POU6F2: variants seen among roughly 807,000 people sequenced by gnomAD.
POU6F2 encodes POU domain, class 6, transcription factor 2.
A neutral mutation model predicts 71.3 loss-of-function variants in POU6F2; 31 were observed. That is an observed-to-expected ratio of 0.43 (90% confidence interval 0.33 to 0.59). POU6F2 has a LOEUF of 0.59. Ranked by LOEUF, POU6F2 falls within the 20% of genes least tolerant of loss-of-function variation. The probability of loss-of-function intolerance (pLI) is 0.04; values close to 1 mark genes in which losing one functional copy is unlikely to be tolerated. For missense variants in POU6F2, 783 were observed against 856.8 expected (o/e 0.91, Z 1.07); for synonymous variants, 347 against 355.7 (o/e 0.98, Z 0.27).
chr7:39,429,729 A>G (rs545194410), intron 6 of POU6F2, among the ~76,000 whole-genome samples: 1 of 152,326 alleles, frequency 6.6e-6, no homozygotes, highest in South Asian at 2.1e-4. Context: ...TCCTAGCAGT[A>G]AATCTTAGCT....
At chr7:39,287,929 G>T (rs1431060715) in intron 4 of POU6F2, among the ~76,000 whole-genome samples, 1 of 152,128 alleles carries the variant, frequency 6.6e-6, no homozygotes, top group African/African-American at 2.4e-5. Flanking sequence ...GGGCTTTCTG[G>T]CATCTGTGTA....
intron 4 of POU6F2, among the ~76,000 whole-genome samples, chr7:39,247,413 T>G (rs866917559): frequency 5.9e-5 from 9 of 151,786 alleles, no homozygotes; most frequent in African/African-American, 1.9e-4. Context: ...ATCTCACCTC[T>G]GCACTCCAGC....
At chr7:39,214,972 A>G (rs1308641139) in intron 4 of POU6F2, among the ~76,000 whole-genome samples, 1 of 152,192 alleles carries the variant, frequency 6.6e-6, no homozygotes, top group Admixed American at 6.5e-5. Context: ...TTATGCTATA[A>G]TTTTTCATGG....
Position 39,015,933 on chromosome 7 carries a change from A to T in POU6F2, c.105+37875A>T, listed in dbSNP as rs866376178. ...TTATATATTATATATAGATATATAT[A>T]ATATATAGATATATATTATATATTG... On this transcript the variant is annotated intron_variant, in intron 1 of 9. Coordinates refer to ENST00000518318, the MANE Select transcript of POU6F2 (RefSeq NM_001370959.1). Among the ~76,000 whole-genome samples, 241 of 39,786 alleles carry T rather than the reference A, an allele frequency of 6.1e-3. 5 individuals carry two copies. The highest frequency in any genetic ancestry group is 0.012 in the East Asian group (6 of 510). The allele number at this position is 39,786 out of a possible 152,430, so 26.1% of individuals were successfully genotyped here. A position where few individuals can be genotyped will look rare whatever the true frequency, so the allele number is the denominator to read the frequency against.
chr7:39,195,089 G>A (rs1236657389), intron 2 of POU6F2, among the ~76,000 whole-genome samples: 1 of 152,174 alleles, frequency 6.6e-6, no homozygotes, highest in Non-Finnish European at 1.5e-5. Context: ...AGTAGCACAT[G>A]ACAATTAAAA....
rs552513742 is a variant in POU6F2, at chr7:39,235,397, C to A, written c.598+27777C>A. Among the ~76,000 whole-genome samples, 4 of 152,228 alleles carry A rather than the reference C, an allele frequency of 2.6e-5. No individual in the cohort carries two copies. The East Asian group carries it at 5.8e-4, about 22-fold the overall frequency. ...AATGATTTTATGAGGTAGTTGTTAT[C>A]ATCTCCATTTCGCTTGTTTAAGGTC... On this transcript the variant is annotated intron_variant, in intron 4 of 9. Transcript: ENST00000518318.
intron 1 of POU6F2, among the ~76,000 whole-genome samples, chr7:39,026,152 G>T (rs973513237): frequency 1.3e-5 from 2 of 151,770 alleles, no homozygotes; most frequent in African/African-American, 4.8e-5. Context: ...ACTGTTGGTG[G>T]GACTGTAAAC....
At position 39,201,831 on chromosome 7, in the gene POU6F2, T is replaced by C. The variant is rs538362622; in HGVS notation, c.278-2404T>C. On this transcript the variant is annotated intron_variant, in intron 2 of 9. Coordinates refer to ENST00000518318, the MANE Select transcript of POU6F2 (RefSeq NM_001370959.1). ...CCATTTATTCATTCTGACTTCCTGA[T>C]TCCCCCTCTGGCTCTGAGAAGGCCC... 1.2e-4 allele frequency among the ~76,000 whole-genome samples: 18 copies of C among 152,342 alleles called. 1 individual carries two copies. In the South Asian group the frequency reaches 3.7e-3, roughly 32 times the overall value.
chr7:39,386,726 G>C (rs951748932), intron 5 of POU6F2, among the ~76,000 whole-genome samples: 2 of 152,118 alleles, frequency 1.3e-5, no homozygotes, highest in Non-Finnish European at 2.9e-5. Context: ...TGCAAAAAAA[G>C]AGCAAGAAGA....
intron 4 of POU6F2, among the ~76,000 whole-genome samples, chr7:39,245,798 T>C (rs968508372): frequency 2.3e-4 from 35 of 152,158 alleles, no homozygotes; most frequent in Admixed American, 2.0e-3. Flanking sequence ...CCTGAAAAAG[T>C]AGAAAGAAGA....
chr7:39,210,570 A>G (rs1233827059), intron 4 of POU6F2, among the ~76,000 whole-genome samples: 2 of 152,314 alleles, frequency 1.3e-5, no homozygotes, highest in Admixed American at 6.5e-5. Flanking sequence ...GCCATGATTT[A>G]CACATGTATT....
chr7:39,307,912 G>A (rs1355191189), intron 4 of POU6F2, among the ~76,000 whole-genome samples: 3 of 150,926 alleles, frequency 2.0e-5, no homozygotes, highest in Non-Finnish European at 2.9e-5. Flanking sequence ...CAGAGATCGC[G>A]CCACTGCACT....
chr7:39,137,030 A>G (rs1792402084), intron 2 of POU6F2, among the ~76,000 whole-genome samples: 1 of 151,752 alleles, frequency 6.6e-6, no homozygotes, highest in African/African-American at 2.4e-5. Flanking sequence ...AAAAAAAAAA[A>G]AAAGAGTGGA....
intron 6 of POU6F2, among the ~76,000 whole-genome samples, chr7:39,408,918 A>T (rs1056629795): frequency 6.6e-6 from 1 of 152,216 alleles, no homozygotes; most frequent in Admixed American, 6.5e-5. Flanking sequence ...GCACAGAGAT[A>T]CTTGTGTGAC....
At chr7:39,056,646 TTTTC>T (rs1337357186) in intron 1 of POU6F2, among the ~76,000 whole-genome samples, 1 of 106,364 alleles carries the variant, frequency 9.4e-6, no homozygotes. Context: ...CTCTTTCTCT[TTTTC>T]TCTCTCTCTC....
intron 2 of POU6F2, among the ~76,000 whole-genome samples, chr7:39,108,589 A>G (rs1791741166): frequency 1.3e-5 from 2 of 152,342 alleles, no homozygotes; most frequent in African/African-American, 4.8e-5. Flanking sequence ...GTGTACACCC[A>G]GGGAATATTT....
chr7:39,350,080 G>A (rs771174331), intron 5 of POU6F2, among the ~76,000 whole-genome samples: 8 of 152,202 alleles, frequency 5.3e-5, no homozygotes. Flanking sequence ...TCCGATCAAT[G>A]CAACCCTTCC....
At chr7:39,104,558 G>A (rs1791637684) in intron 2 of POU6F2, among the ~76,000 whole-genome samples, 1 of 152,148 alleles carries the variant, frequency 6.6e-6, no homozygotes, top group African/African-American at 2.4e-5. Flanking sequence ...CAGGGGAGGG[G>A]GAAGGGAAGA....
chr7:39,400,753 A>G (rs1325725786), intron 5 of POU6F2, among the ~76,000 whole-genome samples: 1 of 152,224 alleles, frequency 6.6e-6, no homozygotes, highest in Non-Finnish European at 1.5e-5. Flanking sequence ...ACAGAAAATT[A>G]CTATACTTCC....
Sources: allele counts gnomAD v4.1 joint callset (sites outside exome capture counted in the v4.1 genomes callset), GRCh38; gene constraint gnomAD v4.1.1; transcripts MANE v1.5; gene names NCBI Gene and HGNC (gene_info 2026-07-23, HGNC 2026-07-21).